CHMP3: variants seen among roughly 807,000 people sequenced by gnomAD.
CHMP3 encodes 25.1 protein.
Under a neutral mutation model 27.4 loss-of-function variants are expected in CHMP3, and 8 were observed. The ratio of observed to expected loss-of-function variants is 0.29; its 90% CI spans 0.17 to 0.53. The LOEUF is 0.53. Among genes scored for constraint, CHMP3 ranks in the 20% least tolerant of loss-of-function variants. The pLI is 0.96. For missense variants in CHMP3, 208 were observed against 271.5 expected, an observed-to-expected ratio of 0.77 and a Z score of 1.64; for synonymous variants, 86 against 85.5, an observed-to-expected ratio of 1.01 and a Z score of -0.03.
chr2:86,532,842 CTGT>C (rs1207973148), intron 2 of CHMP3, among the ~76,000 whole-genome samples: 2 of 152,154 alleles, frequency 1.3e-5, no homozygotes, highest in Non-Finnish European at 2.9e-5. Flanking sequence ...TGCTAGTATT[CTGT>C]TGAAGATTTT....
At chr2:86,530,661 CCTG>C (rs1480866351) in intron 2 of CHMP3, among the ~76,000 whole-genome samples, 1 of 152,070 alleles carries the variant, frequency 6.6e-6, no homozygotes, top group East Asian at 1.9e-4. Context: ...TCTTTGAGAC[CCTG>C]CTATCTTTTG....
In CHMP3 at chr2:86,532,920, A is replaced by G; in HGVS notation, c.107-3523T>C. On this transcript the variant is annotated intron_variant, in intron 2 of 5. Transcript: ENST00000263856. ...TTGCAGCATCTTTGTCTGATATGATATCAGGACAATACTGGCAACATAGAA... is the reference window on the plus strand; with the variant it reads ...TTGCAGCATCTTTGTCTGATATGATGTCAGGACAATACTGGCAACATAGAA... Among the ~76,000 whole-genome samples, 2 of 152,228 alleles carry G rather than the reference A, an allele frequency of 1.3e-5. 1 individual carries two copies. Among genetic ancestry groups the G allele is most frequent in the Non-Finnish European group, 2.9e-5 (2 of 68,040 alleles).
At chr2:86,542,844 G>C (rs1456023689) in intron 1 of CHMP3, 1 of 152,274 alleles carries the variant, frequency 6.6e-6, no homozygotes, top group African/African-American at 2.4e-5. Context: ...GGGTGGACTG[G>C]AAATGCTGGT....
intron 1 of CHMP3, among the ~76,000 whole-genome samples, chr2:86,554,519 A>G (rs1573305755): frequency 6.6e-6 from 1 of 152,206 alleles, no homozygotes; most frequent in Non-Finnish European, 1.5e-5. Flanking sequence ...TTCCTCTAAG[A>G]CTGGCAAAAG....
chr2:86,529,376 T>A lies in CHMP3; in HGVS notation c.128A>T (p.Lys43Ile). 6.2e-7 allele frequency: 1 copy of A among 1,601,080 alleles called. No homozygotes were observed. Among genetic ancestry groups the A allele is most frequent in the South Asian group, 1.1e-5 (1 of 88,068 alleles). ...QIRDIQREEE[K>I]VKRSVKDAAK... ...AGCATCTTTCACAGATCGTTTCACT[T>A]TTTCTTCTTCTCTTTGGATATCTAA... Residue 43 changes from lysine to isoleucine, a missense_variant, in exon 3 of 6, where the codon AAA (lysine) becomes ATA (isoleucine). Physicochemically the swap from Lys to Ile is moderately radical, Grantham distance 102 (BLOSUM62 -3). Transcript: ENST00000263856.
chr2:86,544,883 G>A (rs1034743384), intron 1 of CHMP3, among the ~76,000 whole-genome samples: 4 of 152,136 alleles, frequency 2.6e-5, no homozygotes, highest in Non-Finnish European at 4.4e-5. Flanking sequence ...CTTCCCAGAC[G>A]GGGCGACCGG....
chr2:86,535,996 T>TTTC (rs1676119440), intron 2 of CHMP3, among the ~76,000 whole-genome samples: 1 of 139,126 alleles, frequency 7.2e-6, no homozygotes, highest in East Asian at 2.1e-4. Context: ...AAACCTTTCT[T>TTTC]TTTTTTTTTT....
rs1242593299 is a variant in CHMP3, at chr2:86,505,988, A to C, written c.524-39T>G. ...GCAAAGATGAACACCACATTGGCTT[A>C]AGGAAGCAGCCCCTCAATCTTCCCT... On this transcript the variant is annotated intron_variant, in intron 5 of 5. Coordinates refer to ENST00000263856, the MANE Select transcript of CHMP3 (RefSeq NM_016079.4). The C allele has an allele frequency of 1.1e-5, 17 of 1,486,458 alleles. No individual in the cohort carries two copies. The Admixed American group carries it at 3.7e-4, about 32-fold the overall frequency. 92.1% of individuals were successfully genotyped at this position (1,486,458 alleles called of 1,614,324 possible).
At chr2:86,530,697 T>C (rs1334149612) in intron 2 of CHMP3, among the ~76,000 whole-genome samples, 2 of 152,232 alleles carry the variant, frequency 1.3e-5, no homozygotes, top group African/African-American at 4.8e-5. Context: ...AAAGTAGAAC[T>C]GTTAGGTTAT....
chr2:86,559,862 A>G (rs1369234532), intron 1 of CHMP3, among the ~76,000 whole-genome samples: 2 of 152,240 alleles, frequency 1.3e-5, no homozygotes, highest in Admixed American at 6.5e-5. Context: ...TGATCATCTC[A>G]GCCTGGAGAT....
At chr2:86,555,312 C>A (rs1677076203) in intron 1 of CHMP3, among the ~76,000 whole-genome samples, 1 of 152,100 alleles carries the variant, frequency 6.6e-6, no homozygotes, top group African/African-American at 2.4e-5. Context: ...GACTGTCACT[C>A]TGTGTGCTGA....
At chr2:86,528,430 C>G (rs552707905) in intron 3 of CHMP3, among the ~76,000 whole-genome samples, 7 of 152,262 alleles carry the variant, frequency 4.6e-5, no homozygotes, top group African/African-American at 1.7e-4. Flanking sequence ...AACCCCTGGG[C>G]TCAAGCACTT....
chr2:86,540,042 G>A (rs760117123), intron 2 of CHMP3, among the ~76,000 whole-genome samples: 8 of 151,910 alleles, frequency 5.3e-5, no homozygotes, highest in African/African-American at 1.2e-4. Flanking sequence ...AGTTTGCATC[G>A]TTTCTAATAA....
chr2:86,560,119 G>T (rs769912767), intron 1 of CHMP3, among the ~76,000 whole-genome samples: 1 of 152,144 alleles, frequency 6.6e-6, no homozygotes, highest in African/African-American at 2.4e-5. Flanking sequence ...CAAAAAATTA[G>T]CCAGATGTGG....
At chr2:86,550,594 G>A (rs910834839) in intron 1 of CHMP3, among the ~76,000 whole-genome samples, 1 of 152,064 alleles carries the variant, frequency 6.6e-6, no homozygotes, top group Non-Finnish European at 1.5e-5. Context: ...CAAACTGGGA[G>A]ATATATTCGT....
At chr2:86,526,748 T>C (rs1675728951) in intron 3 of CHMP3, among the ~76,000 whole-genome samples, 1 of 152,050 alleles carries the variant, frequency 6.6e-6, no homozygotes, top group Non-Finnish European at 1.5e-5. Flanking sequence ...TTTGTCTTGT[T>C]TTATAGAGAC....
intron 3 of CHMP3, among the ~76,000 whole-genome samples, chr2:86,515,908 A>T (rs968721378): frequency 2.0e-5 from 3 of 152,088 alleles, no homozygotes; most frequent in African/African-American, 7.2e-5. Flanking sequence ...CTGTAATCCC[A>T]ATACTTTGTG....
At chr2:86,529,185 T>C (rs1443731306) in intron 3 of CHMP3, 33 bp downstream of exon 3, 5 of 1,541,178 alleles carry the variant, frequency 3.2e-6, no homozygotes, top group Non-Finnish European at 3.5e-6. Context: ...ACCCCGGCAT[T>C]ATGAGGTGAC....
intron 3 of CHMP3, among the ~76,000 whole-genome samples, chr2:86,520,201 C>G (rs75232909): frequency 0.018 from 2,802 of 152,260 alleles, 49 homozygotes; most frequent in East Asian, 0.054. Flanking sequence ...TTAGTCCATT[C>G]TCACACTGCT....
Sources: gnomAD v4.1 joint callset for allele counts (sites outside exome capture counted in the v4.1 genomes callset) on GRCh38, gnomAD v4.1.1 for gene constraint, MANE v1.5 for transcripts, NCBI Gene and HGNC (gene_info 2026-07-23, HGNC 2026-07-21) for gene names.